The following NEDD4L variants were observed in gnomAD, a reference collection of about 807,000 sequenced individuals.
NEDD4L encodes the protein E3 ubiquitin-protein ligase NEDD4-like.
NEDD4L carries 54 observed loss-of-function variants against 148.9 expected under a neutral mutation model. The observed-to-expected ratio is 0.36, with a 90% CI of 0.29 to 0.45. The LOEUF (loss-of-function observed/expected upper bound fraction) is 0.45, where lower values mean the gene tolerates loss of function less well. Among genes scored for constraint, NEDD4L ranks in the 20% least tolerant of loss-of-function variants. NEDD4L has a pLI of 1.00. For synonymous variants in NEDD4L, 433 were observed against 440.7 expected (o/e 0.98, Z 0.22); for missense variants, 856 against 1,233.8 (o/e 0.69, Z 4.59).
chr18:58,163,006 G>A (rs1298634198), intron 1 of NEDD4L, among the ~76,000 whole-genome samples: 1 of 151,822 alleles, frequency 6.6e-6, no homozygotes, highest in Non-Finnish European at 1.5e-5. Flanking sequence ...AGAGGTTGCA[G>A]TGAGCTGAGA....
At chr18:58,389,223 C>T (rs1389418058) in intron 28 of NEDD4L, 31 bp downstream of exon 28, 15 of 1,522,266 alleles carry the variant, frequency 9.9e-6, no homozygotes, top group Non-Finnish European at 1.4e-5. Context: ...CAGCCGGTGT[C>T]CTCCACCTGA....
chr18:58,214,641 G>T (rs1568403509), intron 2 of NEDD4L, among the ~76,000 whole-genome samples: 21 of 143,472 alleles, frequency 1.5e-4, no homozygotes, highest in African/African-American at 5.4e-4. Flanking sequence ...GTGTGTGTGT[G>T]TGTTTTGTTG....
intron 1 of NEDD4L, among the ~76,000 whole-genome samples, chr18:58,121,428 ATTC>A (rs1265872988): frequency 2.0e-5 from 3 of 149,828 alleles, no homozygotes; most frequent in Non-Finnish European, 3.0e-5. Flanking sequence ...CTTTTCTTTC[ATTC>A]TTTTTTTTTT....
At chr18:58,276,103 C>T (rs760579223) in intron 5 of NEDD4L, among the ~76,000 whole-genome samples, 11 of 151,716 alleles carry the variant, frequency 7.3e-5, no homozygotes, top group Admixed American at 1.3e-4. Context: ...CTACTGGTTT[C>T]ATGTTTAGGT....
intron 1 of NEDD4L, among the ~76,000 whole-genome samples, chr18:58,127,258 C>T (rs1302958042): frequency 2.0e-5 from 3 of 152,260 alleles, no homozygotes; most frequent in Non-Finnish European, 4.4e-5. Context: ...GCTCCGTAGA[C>T]ACATGCGGCT....
chr18:58,162,451 C>T (rs80011499), intron 1 of NEDD4L, among the ~76,000 whole-genome samples: 1,709 of 152,122 alleles, frequency 0.011, 31 homozygotes, highest in African/African-American at 0.039. Context: ...AGTGTCTTTT[C>T]GCCAAAGAAG....
chr18:58,094,247 C>T (rs563661242), intron 1 of NEDD4L, among the ~76,000 whole-genome samples: 14 of 151,050 alleles, frequency 9.3e-5, no homozygotes, highest in African/African-American at 2.2e-4. Flanking sequence ...TGTGGTGGCG[C>T]GATCATAGCT....
intron 24 of NEDD4L, among the ~76,000 whole-genome samples, chr18:58,377,051 T>C (rs2047662628): frequency 6.6e-6 from 1 of 152,234 alleles, no homozygotes; most frequent in Non-Finnish European, 1.5e-5. Flanking sequence ...TGTCTGAGTA[T>C]GTTTGTGTTT....
rs1598964364 is a variant in NEDD4L, at chr18:58,127,242, G to A, written c.49-38546G>A. On this transcript the variant is annotated intron_variant, in intron 1 of 30. Transcript: ENST00000400345. The stretch of plus-strand genomic sequence containing the variant: ...GGTCCTCCGTGGTATTAGCCATATT[G>A]TAGGTGCTCCGTAGACACATGCGGC... Among the ~76,000 whole-genome samples the A allele has an allele frequency of 2.0e-5, 3 of 152,212 alleles. No homozygotes were observed. The South Asian group carries it at 6.2e-4, about 31-fold the overall frequency.
chr18:58,143,898 T>C (rs2033823550), intron 1 of NEDD4L, among the ~76,000 whole-genome samples: 1 of 152,156 alleles, frequency 6.6e-6, no homozygotes. Flanking sequence ...GAAATGGGCA[T>C]TTTCCCTGTG....
intron 1 of NEDD4L, among the ~76,000 whole-genome samples, chr18:58,053,143 C>T (rs1393539858): frequency 6.6e-6 from 1 of 152,144 alleles, no homozygotes; most frequent in Non-Finnish European, 1.5e-5. Context: ...AATGGTTTCC[C>T]AGGCACACTG....
chr18:58,046,112 T>C (rs1218533558), intron 1 of NEDD4L: 1 of 152,250 alleles, frequency 6.6e-6, no homozygotes, highest in Non-Finnish European at 1.5e-5. Flanking sequence ...GATGTATTTA[T>C]TTGATCAAAG....
intron 1 of NEDD4L, among the ~76,000 whole-genome samples, chr18:58,155,269 GA>G (rs35699329): frequency 0.54 from 67,288 of 124,286 alleles, 15,821 homozygotes; most frequent in East Asian, 0.68. Flanking sequence ...CTTGTGTTTT[GA>G]AAAAAAAAAA....
intron 1 of NEDD4L, among the ~76,000 whole-genome samples, chr18:58,098,388 T>C (rs116696315): frequency 0.012 from 1,859 of 152,298 alleles, 39 homozygotes; most frequent in African/African-American, 0.043. Context: ...TTCCTGCCTT[T>C]ACTTTTCTTC....
chr18:58,352,973 G>T (rs2044107390), intron 18 of NEDD4L, among the ~76,000 whole-genome samples: 1 of 152,242 alleles, frequency 6.6e-6, no homozygotes, highest in South Asian at 2.1e-4. Context: ...TATTTCACTT[G>T]TGGTGTCATA....
Position 58,132,954 on chromosome 18 carries a change from A to G in NEDD4L, c.49-32834A>G, listed in dbSNP as rs144278617. On this transcript the variant is annotated intron_variant, in intron 1 of 30. Transcript: ENST00000400345. Reference sequence around the variant, plus strand: ...AAACAGAGAATGTGAGTTAACTCATACTTAGGAGATGAATGCTGGCTTTGA... The same window carrying G: ...AAACAGAGAATGTGAGTTAACTCATGCTTAGGAGATGAATGCTGGCTTTGA... Among the ~76,000 whole-genome samples the G allele has an allele frequency of 3.3e-3, 507 of 152,336 alleles. 2 individuals carry two copies. The highest frequency in any genetic ancestry group is 0.012 in the African/African-American group (492 of 41,580).
At chr18:58,147,601 T>C (rs921805277) in intron 1 of NEDD4L, among the ~76,000 whole-genome samples, 1 of 152,198 alleles carries the variant, frequency 6.6e-6, no homozygotes, top group East Asian at 1.9e-4. Context: ...CAGTTTTGCA[T>C]AAACATCAGC....
chr18:58,330,858 A>G lies in NEDD4L; in HGVS notation c.934A>G (p.Ser312Gly), dbSNP rs2059732098. 1 of 1,613,894 alleles carries G rather than the reference A, an allele frequency of 6.2e-7. No homozygotes were observed. The highest frequency in any genetic ancestry group is 8.5e-7 in the Non-Finnish European group (1 of 1,179,900). ...TSPQELSEEL[S>G]RRLQITPDSN... ...CCCTCAGGAGCTGTCAGAGGAACTA[A>G]GCAGAAGGCTTCAGATCACTCCAGA... Residue 312 changes from serine to glycine, a missense_variant, in exon 11 of 31, where the codon AGC (serine) becomes GGC (glycine). Physicochemically the swap from Ser to Gly is moderately conservative, Grantham distance 56. This residue lies in a region of NEDD4L where 367 missense variants were observed against 422.7 expected (regional missense o/e 0.87). Coordinates refer to ENST00000400345, the MANE Select transcript of NEDD4L (RefSeq NM_001144967.3).
chr18:58,044,721 C>A lies in NEDD4L; in HGVS notation c.48+13C>A, dbSNP rs781382091. On this transcript the variant is annotated intron_variant, in intron 1 of 30. Coordinates refer to ENST00000400345, the MANE Select transcript of NEDD4L (RefSeq NM_001144967.3). ...TTCCGAAGACGAGGTGAGTGGCACCCCCTTCCTGCTCGGGACTCCCCGGGG... is the reference window on the plus strand; with the variant it reads ...TTCCGAAGACGAGGTGAGTGGCACCACCTTCCTGCTCGGGACTCCCCGGGG... 7 of 1,604,650 alleles carry A rather than the reference C, an allele frequency of 4.4e-6. No homozygotes were observed. The highest frequency in any genetic ancestry group is 4.1e-5 in the African/African-American group (3 of 74,006).
Sources: gnomAD v4.1 joint callset for allele counts (sites outside exome capture counted in the v4.1 genomes callset) on GRCh38, gnomAD v4.1.1 for gene constraint, gnomAD v4.1.1 regional missense constraint, MANE v1.5 for transcripts, NCBI Gene and HGNC (gene_info 2026-07-23, HGNC 2026-07-21) for gene names.